PCDH15: variants seen among roughly 807,000 people sequenced by gnomAD.
PCDH15 encodes the protein protocadherin related 15, also known as protocadherin-15.
In PCDH15, 129 loss-of-function variants were observed where a neutral mutation model predicts 178.5. That is an observed-to-expected ratio of 0.72 (90% confidence interval 0.63 to 0.84). The LOEUF is 0.84. Among genes scored for constraint, PCDH15 ranks in the 40% least tolerant of loss-of-function variants. The pLI is 0.00. For synonymous variants in PCDH15, 800 were observed against 732.0 expected (o/e 1.09, Z -1.50); for missense variants, 2,230 against 2,099.9 (o/e 1.06, Z -1.21).
chr10:55,095,969 C>T (rs886519220), intron 2 of PCDH15, among the ~76,000 whole-genome samples: 2 of 151,970 alleles, frequency 1.3e-5, no homozygotes, highest in Non-Finnish European at 2.9e-5. Flanking sequence ...GGATCATGTA[C>T]AAATCCATTG....
chr10:54,796,241 T>TCTATCTATCTAC (rs1951958113), intron 1 of PCDH15, among the ~76,000 whole-genome samples: 1 of 97,964 alleles, frequency 1.0e-5, no homozygotes, highest in South Asian at 3.3e-4. Flanking sequence ...TATCTATCTA[T>TCTATCTATCTAC]CTATCTATCT....
At chr10:54,464,137 G>A (rs1353523998) in intron 3 of PCDH15, among the ~76,000 whole-genome samples, 1 of 152,098 alleles carries the variant, frequency 6.6e-6, no homozygotes, top group Non-Finnish European at 1.5e-5. Flanking sequence ...GAGGGAATGG[G>A]TACAGTTTCA....
intron 2 of PCDH15, among the ~76,000 whole-genome samples, chr10:55,527,153 A>G (rs556773210): frequency 6.6e-6 from 1 of 152,198 alleles, no homozygotes; most frequent in South Asian, 2.1e-4. Context: ...TATAGGTGAC[A>G]TTGCCTCTGG....
chr10:55,615,138 C>G (rs1843448353), intron 2 of PCDH15, among the ~76,000 whole-genome samples: 1 of 151,990 alleles, frequency 6.6e-6, no homozygotes, highest in Non-Finnish European at 1.5e-5. Flanking sequence ...AAATACAAAT[C>G]ATAACATGAA....
chr10:55,324,687 AT>A (rs897793346), intron 2 of PCDH15, among the ~76,000 whole-genome samples: 5 of 151,556 alleles, frequency 3.3e-5, no homozygotes, highest in East Asian at 1.9e-4. Flanking sequence ...GAAAACTACA[AT>A]TTTTTTTTAG....
At chr10:54,622,508 C>T (rs916949957) in intron 2 of PCDH15, among the ~76,000 whole-genome samples, 10 of 135,952 alleles carry the variant, frequency 7.4e-5, no homozygotes, top group Admixed American at 3.4e-4. Context: ...CTACAAACCA[C>T]TTTAAATATT....
chr10:55,424,897 A>T (rs1349071208), intron 2 of PCDH15, among the ~76,000 whole-genome samples: 1 of 89,622 alleles, frequency 1.1e-5, no homozygotes, highest in Non-Finnish European at 2.3e-5. Context: ...CAATTAAAAA[A>T]AAGTGTGATA....
At chr10:54,265,803 T>C (rs2057635603) in intron 8 of PCDH15, among the ~76,000 whole-genome samples, 1 of 152,034 alleles carries the variant, frequency 6.6e-6, no homozygotes, top group African/African-American at 2.4e-5. Flanking sequence ...TAAGAAAAGA[T>C]GTAGACAGCC....
chr10:54,774,271 G>T (rs1949456324), intron 1 of PCDH15, among the ~76,000 whole-genome samples: 1 of 151,836 alleles, frequency 6.6e-6, no homozygotes, highest in South Asian at 2.1e-4. Context: ...CTCGTGATCT[G>T]TCTGCCTCGG....
At chr10:54,797,529 C>T (rs1564492731) in intron 1 of PCDH15, among the ~76,000 whole-genome samples, 1 of 151,478 alleles carries the variant, frequency 6.6e-6, no homozygotes, top group Non-Finnish European at 1.5e-5. Context: ...CACACACACA[C>T]ACACACACAC....
chr10:53,928,291 A>G (rs2610845), intron 25 of PCDH15, among the ~76,000 whole-genome samples: 3,687 of 152,130 alleles, frequency 0.024, 135 homozygotes, highest in African/African-American at 0.08. Context: ...TCAACCAGTA[A>G]GATCAGCTAC....
intron 1 of PCDH15, among the ~76,000 whole-genome samples, chr10:54,758,313 T>C (rs1947427747): frequency 6.6e-6 from 1 of 152,178 alleles, no homozygotes; most frequent in Non-Finnish European, 1.5e-5. Flanking sequence ...GCTATTAATG[T>C]ATGGTAAAAT....
chr10:55,405,184 T>C (rs890281681), intron 2 of PCDH15, among the ~76,000 whole-genome samples: 64 of 151,190 alleles, frequency 4.2e-4, no homozygotes, highest in African/African-American at 1.5e-3. Flanking sequence ...GTATTTTCTA[T>C]AGAGCGATAT....
At chr10:54,665,735 A>C (rs2135438727) in intron 1 of PCDH15, among the ~76,000 whole-genome samples, 1 of 152,120 alleles carries the variant, frequency 6.6e-6, no homozygotes, top group South Asian at 2.1e-4. Context: ...TCTAAGATAT[A>C]AAAGGAGCTG....
intron 2 of PCDH15, among the ~76,000 whole-genome samples, chr10:55,154,242 CTT>C (rs1251351771): frequency 6.6e-6 from 1 of 151,976 alleles, no homozygotes; most frequent in Non-Finnish European, 1.5e-5. Flanking sequence ...GTGTTAGCAT[CTT>C]ATATATTTCA....
chr10:54,392,971 G>A (rs1321935704), intron 3 of PCDH15, among the ~76,000 whole-genome samples: 1 of 151,834 alleles, frequency 6.6e-6, no homozygotes, highest in Non-Finnish European at 1.5e-5. Context: ...TATGGCTAAG[G>A]GAAGTACATC....
intron 3 of PCDH15, among the ~76,000 whole-genome samples, chr10:54,424,504 A>G (rs1277391536): frequency 1.3e-5 from 2 of 151,238 alleles, no homozygotes; most frequent in Non-Finnish European, 2.9e-5. Context: ...CTGTCCCATT[A>G]CTGGGTATAC....
At chr10:54,922,027 C>T (rs1434057017) in intron 2 of PCDH15, among the ~76,000 whole-genome samples, 1 of 152,130 alleles carries the variant, frequency 6.6e-6, no homozygotes, top group Non-Finnish European at 1.5e-5. Context: ...AAATCCTAAC[C>T]CATGATTCAA....
At chr10:55,582,582 C>G (rs1349711662) in intron 2 of PCDH15, among the ~76,000 whole-genome samples, 1 of 113,586 alleles carries the variant, frequency 8.8e-6, no homozygotes, top group African/African-American at 3.6e-5. Flanking sequence ...ACTGGCTATT[C>G]TGTATGTGTA....
Sources: gnomAD v4.1 joint callset for allele counts (sites outside exome capture counted in the v4.1 genomes callset) on GRCh38, gnomAD v4.1.1 for gene constraint, MANE v1.5 for transcripts, NCBI Gene and HGNC (gene_info 2026-07-23, HGNC 2026-07-21) for gene names.